Variants in ANO4 observed in about 807,000 individuals in gnomAD.
ANO4 encodes the protein anoctamin-4.
In ANO4, 69 loss-of-function variants were observed where a neutral mutation model predicts 141.9. That is an observed-to-expected ratio of 0.49 (90% CI 0.40 to 0.59). The LOEUF (loss-of-function observed/expected upper bound fraction) is 0.59, where lower values mean the gene tolerates loss of function less well. ANO4 is among the 20% of genes least tolerant of loss of function. The pLI is 0.00. For synonymous variants in ANO4, 350 were observed against 394.3 expected (o/e 0.89, Z 1.33); for missense variants, 894 against 1,162.2 (o/e 0.77, Z 3.36).
At chr12:101,053,113 C>T (rs11110635) in intron 14 of ANO4, among the ~76,000 whole-genome samples, 6 of 152,128 alleles carry the variant, frequency 3.9e-5, no homozygotes, top group African/African-American at 7.2e-5. Context: ...ATTAAAGAAG[C>T]GTTGATAATT....
chr12:100,937,628 A>G (rs2042340422), intron 3 of ANO4, among the ~76,000 whole-genome samples: 1 of 152,052 alleles, frequency 6.6e-6, no homozygotes. Flanking sequence ...ATATTGTTTT[A>G]GTTTCCTTTT....
chr12:100,856,449 G>A (rs1264949646), intron 1 of ANO4, among the ~76,000 whole-genome samples: 1 of 152,144 alleles, frequency 6.6e-6, no homozygotes, highest in Admixed American at 6.5e-5. Flanking sequence ...GTAAGTGCTT[G>A]GAGGATAGAA....
intron 6 of ANO4, among the ~76,000 whole-genome samples, chr12:100,972,900 A>G (rs1056814278): frequency 3.3e-5 from 5 of 152,202 alleles, no homozygotes; most frequent in African/African-American, 1.2e-4. Flanking sequence ...TTCTCTTACT[A>G]CCTGCAAAGG....
chr12:100,769,929 C>A (rs914380852), intron 3 of ANO4, among the ~76,000 whole-genome samples: 1 of 148,086 alleles, frequency 6.8e-6, no homozygotes, highest in Non-Finnish European at 1.5e-5. Context: ...TATACTTTCA[C>A]ATAATTTTTT....
At chr12:101,016,810 C>G (rs1226711347) in intron 8 of ANO4, among the ~76,000 whole-genome samples, 1 of 152,178 alleles carries the variant, frequency 6.6e-6, no homozygotes, top group African/African-American at 2.4e-5. Flanking sequence ...CTCAGCACTG[C>G]GTGTCATCTC....
chr12:100,820,368 A>AAAAAC (rs1345905735), intron 1 of ANO4, among the ~76,000 whole-genome samples: 2 of 151,330 alleles, frequency 1.3e-5, no homozygotes, highest in African/African-American at 4.9e-5. Context: ...AAAAAAAAAA[A>AAAAAC]AAATGCCCTT....
chr12:101,099,936 A>G (rs191777367), intron 22 of ANO4, among the ~76,000 whole-genome samples: 2 of 152,226 alleles, frequency 1.3e-5, no homozygotes, highest in Non-Finnish European at 1.5e-5. Context: ...CTTAGCACGT[A>G]TCTAAGACCA....
At chr12:101,058,314 C>CT (rs368952577) in intron 14 of ANO4, among the ~76,000 whole-genome samples, 1,756 of 152,248 alleles carry the variant, frequency 0.012, 35 homozygotes, top group African/African-American at 0.04. Context: ...CAGCTTTGTT[C>CT]TTTTTGCTTA....
intron 11 of ANO4, among the ~76,000 whole-genome samples, chr12:101,041,754 G>C (rs1372569393): frequency 6.6e-6 from 1 of 152,182 alleles, no homozygotes; most frequent in Non-Finnish European, 1.5e-5. Flanking sequence ...AAGTTTTACA[G>C]TAATTCAGAA....
intron 5 of ANO4, among the ~76,000 whole-genome samples, chr12:100,945,931 C>G (rs2042703382): frequency 6.6e-6 from 1 of 152,256 alleles, no homozygotes; most frequent in Middle Eastern, 3.4e-3. Context: ...AAAATCCCTG[C>G]TTTGTTGGAA....
chr12:100,752,625 G>A (rs1243260233), intron 3 of ANO4, among the ~76,000 whole-genome samples: 1 of 151,970 alleles, frequency 6.6e-6, no homozygotes, highest in Non-Finnish European at 1.5e-5. Flanking sequence ...TGTGTGTGAG[G>A]TCTGTTGTAC....
intron 2 of ANO4, among the ~76,000 whole-genome samples, chr12:100,739,183 G>A (rs2031756141): frequency 6.7e-6 from 1 of 149,658 alleles, no homozygotes; most frequent in African/African-American, 2.4e-5. Flanking sequence ...TAAAAATTTT[G>A]TGTATAAGTG....
intron 1 of ANO4, among the ~76,000 whole-genome samples, chr12:100,831,811 C>T (rs947190106): frequency 5.3e-5 from 8 of 152,062 alleles, no homozygotes; most frequent in Non-Finnish European, 1.0e-4. Context: ...AGCCATTTCA[C>T]TTTTCTGGGC....
chr12:101,048,453 A>G (rs753825267), intron 14 of ANO4, 52 bp downstream of exon 14: 1 of 1,496,790 alleles, frequency 6.7e-7, no homozygotes, highest in Non-Finnish European at 9.2e-7. Flanking sequence ...GCCCTATGAT[A>G]TATTCCTTTA....
intron 5 of ANO4, among the ~76,000 whole-genome samples, chr12:100,960,233 T>A (rs1285690020): frequency 6.6e-6 from 1 of 150,946 alleles, no homozygotes; most frequent in Admixed American, 6.6e-5. Context: ...ACTTTATATA[T>A]ACATGTACAT....
chr12:100,747,965 G>T (rs978595248), intron 3 of ANO4, among the ~76,000 whole-genome samples: 2 of 152,198 alleles, frequency 1.3e-5, no homozygotes, highest in South Asian at 2.1e-4. Context: ...GTTGAGAAAT[G>T]ACTATCTTCT....
At chr12:101,034,481 C>T (rs1010233140) in intron 9 of ANO4, among the ~76,000 whole-genome samples, 1 of 152,104 alleles carries the variant, frequency 6.6e-6, no homozygotes, top group African/African-American at 2.4e-5. Context: ...CACAATAGGC[C>T]TGTTGGGGAG....
chr12:100,844,804 G>T (rs919036492), intron 1 of ANO4, among the ~76,000 whole-genome samples: 4 of 151,936 alleles, frequency 2.6e-5, no homozygotes, highest in African/African-American at 4.8e-5. Context: ...AAAGCAAGAG[G>T]GAAATTGGGG....
At chr12:101,127,382 G>T (rs865853930) in intron 27 of ANO4, among the ~76,000 whole-genome samples, 1 of 151,926 alleles carries the variant, frequency 6.6e-6, no homozygotes, top group Non-Finnish European at 1.5e-5. Context: ...TCCTCCAGCC[G>T]GGCTGTTTTC....
Sources: allele counts gnomAD v4.1 joint callset (sites outside exome capture counted in the v4.1 genomes callset), GRCh38; gene constraint gnomAD v4.1.1; transcripts MANE v1.5; gene names NCBI Gene and HGNC (gene_info 2026-07-23, HGNC 2026-07-21).